The following BMP7 variants were observed in gnomAD, a reference collection of about 807,000 sequenced individuals.
BMP7 encodes osteogenic protein 1.
Under a neutral mutation model 41.2 loss-of-function variants are expected in BMP7, and 12 were observed. The observed-to-expected ratio is 0.29, with a 90% CI of 0.19 to 0.47. The LOEUF is 0.47. BMP7 is among the 20% of genes least tolerant of loss of function. BMP7 has a pLI of 0.99. For synonymous variants in BMP7, 248 were observed against 250.0 expected (o/e 0.99, Z 0.07); for missense variants, 467 against 606.0 (o/e 0.77, Z 2.41).
intron 3 of BMP7, among the ~76,000 whole-genome samples, chr20:57,194,205 T>C (rs1326363525): frequency 6.6e-6 from 1 of 152,020 alleles, no homozygotes; most frequent in Non-Finnish European, 1.5e-5. Flanking sequence ...TTGCCAACCA[T>C]GATGAGAGAG....
rs1320096251 is a variant in BMP7 at position 57,212,329 on chromosome 20, G to A, written c.612-9706C>T. 2.6e-5 allele frequency among the ~76,000 whole-genome samples: 4 copies of A among 152,208 alleles called. No homozygotes were observed. In the South Asian group the frequency reaches 6.2e-4, roughly 24 times the overall value. ...GAAGTCATGATGAGAAAGTAGTGAG[G>A]AGAGGGCACAGGTGCACGATGTCCC... On this transcript the variant is annotated intron_variant, in intron 2 of 6. Coordinates refer to ENST00000395863, the MANE Select transcript of BMP7 (RefSeq NM_001719.3).
chr20:57,172,761 C>A (rs1301557967), intron 6 of BMP7, among the ~76,000 whole-genome samples: 1 of 152,148 alleles, frequency 6.6e-6, no homozygotes, highest in Non-Finnish European at 1.5e-5. Context: ...CTTGAAATGG[C>A]CCCATGGGTC....
chr20:57,195,296 C>A (rs1335933799), intron 3 of BMP7, among the ~76,000 whole-genome samples: 2 of 152,192 alleles, frequency 1.3e-5, no homozygotes, highest in African/African-American at 4.8e-5. Context: ...TACAGGCTAC[C>A]CTTCCAAGAC....
At chr20:57,173,788 T>C (rs557899876) in intron 5 of BMP7, among the ~76,000 whole-genome samples, 35 of 152,224 alleles carry the variant, frequency 2.3e-4, no homozygotes, top group African/African-American at 7.9e-4. Flanking sequence ...CACTAGGTGG[T>C]CACACACTGG....
intron 2 of BMP7, among the ~76,000 whole-genome samples, chr20:57,222,812 T>C (rs906652294): frequency 5.8e-5 from 8 of 138,208 alleles, no homozygotes; most frequent in African/African-American, 2.5e-4. Flanking sequence ...GCATGTAGCC[T>C]TCAGGAGCAG....
At position 57,187,357 on chromosome 20, in the gene BMP7, C is replaced by T. The variant is rs147797483; in HGVS notation, c.761-3438G>A. 3.1e-3 allele frequency among the ~76,000 whole-genome samples: 467 copies of T among 152,312 alleles called. 4 individuals are homozygous for T. The South Asian group carries it at 0.038, about 12-fold the overall frequency. ...ATAGCCAACCGGATTTTCATTAAGG[C>T]AGTTGTGCCTTACATAGCCTCCACC... On this transcript the variant is annotated intron_variant, in intron 3 of 6. Coordinates refer to ENST00000395863, the MANE Select transcript of BMP7 (RefSeq NM_001719.3).
At chr20:57,199,046 A>G (rs1984564989) in intron 3 of BMP7, among the ~76,000 whole-genome samples, 1 of 152,128 alleles carries the variant, frequency 6.6e-6, no homozygotes, top group African/African-American at 2.4e-5. Flanking sequence ...CTGCCTGGGC[A>G]CCTGTCTTCT....
intron 1 of BMP7, among the ~76,000 whole-genome samples, chr20:57,245,764 G>A (rs190029087): frequency 1.4e-4 from 21 of 150,050 alleles, no homozygotes; most frequent in Middle Eastern, 3.5e-3. Context: ...TCAGCCTCCC[G>A]AGTATCTGCG....
intron 4 of BMP7, among the ~76,000 whole-genome samples, chr20:57,180,061 C>T (rs2123063373): frequency 6.6e-6 from 1 of 152,234 alleles, no homozygotes; most frequent in Middle Eastern, 3.4e-3. Context: ...TGCAGTTTGC[C>T]TACACTTCCT....
intron 2 of BMP7, among the ~76,000 whole-genome samples, chr20:57,221,237 C>A (rs1985182493): frequency 6.6e-6 from 1 of 152,100 alleles, no homozygotes; most frequent in Non-Finnish European, 1.5e-5. Flanking sequence ...CGTGCAACTT[C>A]CGAGGGGTGG....
At chr20:57,225,459 C>T (rs948825738) in intron 2 of BMP7, among the ~76,000 whole-genome samples, 1 of 152,122 alleles carries the variant, frequency 6.6e-6, no homozygotes, top group Admixed American at 6.5e-5. Context: ...GTGTGTAAGA[C>T]ACTGTTGTAA....
intron 3 of BMP7, among the ~76,000 whole-genome samples, chr20:57,201,952 C>T (rs1984631464): frequency 6.6e-6 from 1 of 152,182 alleles, no homozygotes; most frequent in African/African-American, 2.4e-5. Context: ...GTGGAAGGGA[C>T]CAATGCCTTG....
chr20:57,234,288 T>C (rs1390079675), intron 1 of BMP7, among the ~76,000 whole-genome samples: 2 of 152,214 alleles, frequency 1.3e-5, no homozygotes, highest in African/African-American at 4.8e-5. Flanking sequence ...AGAGCCCCTG[T>C]TCGCTCTCCC....
chr20:57,219,441 A>G (rs924278255), intron 2 of BMP7, among the ~76,000 whole-genome samples: 8 of 152,008 alleles, frequency 5.3e-5, no homozygotes, highest in Non-Finnish European at 7.4e-5. Context: ...GCCTAGTTAG[A>G]GGCCCTTTTA....
chr20:57,241,278 A>C (rs2066068390), intron 1 of BMP7, among the ~76,000 whole-genome samples: 1 of 152,192 alleles, frequency 6.6e-6, no homozygotes, highest in Non-Finnish European at 1.5e-5. Flanking sequence ...GGCACACTCG[A>C]TGCACTCGCC....
chr20:57,227,834 T>G (rs2066013390), intron 2 of BMP7, among the ~76,000 whole-genome samples: 1 of 152,170 alleles, frequency 6.6e-6, no homozygotes, highest in Admixed American at 6.5e-5. Context: ...TCCCCTAACA[T>G]TTTATTTTAG....
At chr20:57,172,049 C>A (rs187767065) in intron 6 of BMP7, among the ~76,000 whole-genome samples, 24 of 152,318 alleles carry the variant, frequency 1.6e-4, no homozygotes, top group African/African-American at 5.5e-4. Context: ...TCCTGCAGAT[C>A]TCTGGTGAAA....
At chr20:57,209,253 A>ATATATATATATATATATATATATATATT (rs1984821206) in intron 2 of BMP7, among the ~76,000 whole-genome samples, 1 of 97,774 alleles carries the variant, frequency 1.0e-5, no homozygotes, top group Non-Finnish European at 1.7e-5. Flanking sequence ...ATATTTTTAT[A>ATATATATATATATATATATATATATATT]TATATATATA....
chr20:57,264,319 G>T (rs1243059000), intron 1 of BMP7, among the ~76,000 whole-genome samples: 1 of 152,184 alleles, frequency 6.6e-6, no homozygotes, highest in Non-Finnish European at 1.5e-5. Context: ...TTGACACAGC[G>T]CCCGTGGGCG....
Sources: gnomAD v4.1 joint callset for allele counts (sites outside exome capture counted in the v4.1 genomes callset) on GRCh38, gnomAD v4.1.1 for gene constraint, MANE v1.5 for transcripts, NCBI Gene and HGNC (gene_info 2026-07-23, HGNC 2026-07-21) for gene names.